CCDC138: variants seen among roughly 807,000 people sequenced by gnomAD.
CCDC138 encodes coiled-coil domain containing 138.
In CCDC138, 66 loss-of-function variants were observed where a neutral mutation model predicts 82.3. That is an observed-to-expected ratio of 0.80 (90% CI 0.66 to 0.98). The LOEUF is 0.98. Among genes scored for constraint, CCDC138 ranks in the 50% least tolerant of loss-of-function variants. CCDC138 has a pLI of 0.00. For synonymous variants in CCDC138, 297 were observed against 265.4 expected (o/e 1.12, Z -1.16); for missense variants, 816 against 758.9 (o/e 1.08, Z -0.88).
At chr2:108,844,159 T>C (rs1690052495) in intron 11 of CCDC138, among the ~76,000 whole-genome samples, 1 of 151,890 alleles carries the variant, frequency 6.6e-6, no homozygotes, top group Non-Finnish European at 1.5e-5. Flanking sequence ...CCGCCCCCAG[T>C]TTCTTCAAGT....
chr2:108,819,419 CCTCA>C (rs1382385310), intron 10 of CCDC138, among the ~76,000 whole-genome samples: 2 of 152,178 alleles, frequency 1.3e-5, no homozygotes, highest in Non-Finnish European at 2.9e-5. Flanking sequence ...CTGCATCTCA[CCTCA>C]CTCAGAGTGC....
intron 10 of CCDC138, among the ~76,000 whole-genome samples, chr2:108,833,593 G>T (rs1286927531): frequency 6.6e-6 from 1 of 152,042 alleles, no homozygotes; most frequent in Non-Finnish European, 1.5e-5. Context: ...TTTGTAAAAG[G>T]ACAAATGGTA....
At chr2:108,799,279 A>C (rs529679868) in intron 6 of CCDC138, among the ~76,000 whole-genome samples, 1 of 152,300 alleles carries the variant, frequency 6.6e-6, no homozygotes, top group South Asian at 2.1e-4. Flanking sequence ...GGTATAATAT[A>C]CCTTGCTTCA....
intron 6 of CCDC138, 141 bp from the exon 7 acceptor site, chr2:108,804,748 C>T: frequency 3.3e-6 from 2 of 602,066 alleles, no homozygotes; most frequent in Non-Finnish European, 5.2e-6. Flanking sequence ...ACTTGCCACA[C>T]TAGTCACTTG....
chr2:108,796,449 C>G (rs190301154), intron 5 of CCDC138, among the ~76,000 whole-genome samples: 6 of 152,276 alleles, frequency 3.9e-5, no homozygotes, highest in Admixed American at 1.3e-4. Context: ...ATAAGTAGAA[C>G]TACCGTATGA....
intron 13 of CCDC138, among the ~76,000 whole-genome samples, chr2:108,857,468 G>A (rs1035671290): frequency 6.6e-6 from 1 of 152,124 alleles, no homozygotes; most frequent in Admixed American, 6.5e-5. Context: ...GGATTCCCCA[G>A]CTAAACACAA....
At chr2:108,821,298 C>G (rs571250937) in intron 10 of CCDC138, among the ~76,000 whole-genome samples, 1 of 152,086 alleles carries the variant, frequency 6.6e-6, no homozygotes, top group African/African-American at 2.4e-5. Flanking sequence ...GCAGAGGTTG[C>G]AGTGAGCTGA....
chr2:108,856,779 A>G lies in CCDC138; in HGVS notation c.1517-15A>G, dbSNP rs1426196336. The G allele has an allele frequency of 7.5e-6, 12 of 1,609,540 alleles. No individual in the cohort carries two copies. Among genetic ancestry groups the G allele is most frequent in the Middle Eastern group, 1.6e-4 (1 of 6,068 alleles). On this transcript the variant is annotated splice_polypyrimidine_tract_variant and intron_variant, in intron 12 of 14. Transcript: ENST00000295124. ...CTAGCAAAACTGCAGTTGATTGTACATAACTATTTTCCAGCTGATTACCTG... is the reference window on the plus strand; with the variant it reads ...CTAGCAAAACTGCAGTTGATTGTACGTAACTATTTTCCAGCTGATTACCTG...
chr2:108,812,578 A>AT, intron 7 of CCDC138, 53 bp from the exon 8 acceptor site: 1 of 1,350,170 alleles, frequency 7.4e-7, no homozygotes, highest in South Asian at 1.2e-5. Context: ...AACCCTTAGT[A>AT]TGAAACCAGT....
At chr2:108,809,561 T>A (rs1683449338) in intron 7 of CCDC138, among the ~76,000 whole-genome samples, 1 of 151,972 alleles carries the variant, frequency 6.6e-6, no homozygotes, top group South Asian at 2.1e-4. Flanking sequence ...TTAAATTTAT[T>A]CCCAGCTATT....
intron 10 of CCDC138, among the ~76,000 whole-genome samples, chr2:108,822,694 C>G (rs1443304145): frequency 6.6e-6 from 1 of 152,162 alleles, no homozygotes; most frequent in Non-Finnish European, 1.5e-5. Flanking sequence ...CACTCTACAG[C>G]AACCATTGGG....
intron 11 of CCDC138, among the ~76,000 whole-genome samples, chr2:108,843,859 TG>T (rs1317351500): frequency 2.1e-5 from 3 of 140,502 alleles, no homozygotes; most frequent in Admixed American, 7.3e-5. Flanking sequence ...TGTGTGTGTG[TG>T]TGTGTGTGTG....
At position 108,846,884 on chromosome 2, in the gene CCDC138, A is replaced by C; in HGVS notation, c.1470A>C (p.Pro490=). Residue 490 remains proline, a synonymous_variant, in exon 12 of 15, where the codon CCA becomes CCC. Transcript: ENST00000295124. ...CTTTCTTTAAGAGCTCCAATTTGCC[A>C]TTGAGATTTTTATCAACCTTAATTG... ...TAAFFKSSNL[P]LRFLSTLIVL... The C allele has an allele frequency of 1.2e-6, 2 of 1,613,548 alleles. No homozygotes were observed. The highest frequency in any genetic ancestry group is 2.2e-5 in the East Asian group (1 of 44,820).
chr2:108,844,433 G>A (rs76190637), intron 11 of CCDC138, among the ~76,000 whole-genome samples: 3,031 of 151,972 alleles, frequency 0.02, 98 homozygotes, highest in African/African-American at 0.07. Context: ...AAGACTTTCT[G>A]TGTCTTCGAT....
intron 10 of CCDC138, among the ~76,000 whole-genome samples, chr2:108,832,039 C>A (rs535821026): frequency 6.7e-6 from 1 of 149,808 alleles, no homozygotes; most frequent in Non-Finnish European, 1.5e-5. Context: ...AGCTTTTTTT[C>A]TCTTTTTTGA....
intron 7 of CCDC138, among the ~76,000 whole-genome samples, chr2:108,808,206 G>A (rs1308403700): frequency 6.6e-6 from 1 of 152,126 alleles, no homozygotes; most frequent in Non-Finnish European, 1.5e-5. Context: ...TAAAGAAAAT[G>A]TGGTTATAAA....
rs1488295408 is a variant in CCDC138 at position 108,795,116 on chromosome 2, T to G, written c.576+395T>G. 1.1e-4 allele frequency among the ~76,000 whole-genome samples: 16 copies of G among 151,982 alleles called. 1 individual carries two copies. On this transcript the variant is annotated intron_variant, in intron 5 of 14. Transcript: ENST00000295124. ...AATTGAACTCTTAACATTTGCTTAT[T>G]ATCTGCCTTTCGGGTTTTTTGTTTC...
chr2:108,815,711 C>T (rs1422623366), intron 9 of CCDC138, among the ~76,000 whole-genome samples: 1 of 152,014 alleles, frequency 6.6e-6, no homozygotes, highest in Admixed American at 6.6e-5. Flanking sequence ...GGTGATCCAC[C>T]CACCTCAGCC....
intron 10 of CCDC138, among the ~76,000 whole-genome samples, chr2:108,829,136 A>C (rs1019601434): frequency 1.3e-5 from 2 of 152,198 alleles, no homozygotes; most frequent in Admixed American, 1.3e-4. Context: ...AAAAGCAAAA[A>C]TAAACTGAAC....
Sources: gnomAD v4.1 joint callset for allele counts (sites outside exome capture counted in the v4.1 genomes callset) on GRCh38, gnomAD v4.1.1 for gene constraint, MANE v1.5 for transcripts, NCBI Gene and HGNC (gene_info 2026-07-23, HGNC 2026-07-21) for gene names.